The following YEATS2 variants were observed in gnomAD, a reference collection of about 807,000 sequenced individuals.
The protein encoded by YEATS2 is YEATS domain containing 2, also known as YEATS domain-containing protein 2.
Under a neutral mutation model 163.2 loss-of-function variants are expected in YEATS2, and 77 were observed. The ratio of observed to expected loss-of-function variants is 0.47; its 90% CI spans 0.39 to 0.57. YEATS2 has a LOEUF of 0.57. Among genes scored for constraint, YEATS2 ranks in the 20% least tolerant of loss-of-function variants. YEATS2 has a pLI of 0.00. For missense variants in YEATS2, 1,549 were observed against 1,729.8 expected, an observed-to-expected ratio of 0.90 and a Z score of 1.85; for synonymous variants, 631 against 645.1, an observed-to-expected ratio of 0.98 and a Z score of 0.33.
chr3:183,761,085 G>GT (rs999715984), intron 13 of YEATS2, among the ~76,000 whole-genome samples: 4 of 151,824 alleles, frequency 2.6e-5, no homozygotes, highest in African/African-American at 4.8e-5. Context: ...GGAATTTTAG[G>GT]TTTTTTTCTT....
In YEATS2 at chr3:183,755,120, A is replaced by AT. The variant is rs1160840439; in HGVS notation, c.1390+767dup. On this transcript the variant is annotated intron_variant, in intron 11 of 30. Coordinates refer to ENST00000305135, the MANE Select transcript of YEATS2 (RefSeq NM_018023.5). ...ATAAATAGCTTCTAATTGGTAGGCA[A>AT]TTTTTTTTTTTTGAGATGGAGTTTC... 9.3e-3 allele frequency among the ~76,000 whole-genome samples: 1,394 copies of AT among 149,394 alleles called. 16 individuals carry two copies. Among genetic ancestry groups the AT allele is most frequent in the African/African-American group, 0.032 (1,298 of 40,846 alleles).
intron 1 of YEATS2, among the ~76,000 whole-genome samples, chr3:183,699,652 G>A (rs78942571): frequency 0.017 from 2,577 of 150,702 alleles, 78 homozygotes; most frequent in East Asian, 0.14. Flanking sequence ...TGAAAAGGGC[G>A]CAGACACTCA....
Position 183,763,671 on chromosome 3 carries a change from C to T in YEATS2, c.1947+1392C>T, listed in dbSNP as rs181762224. Among the ~76,000 whole-genome samples, 297 of 152,242 alleles carry T rather than the reference C, an allele frequency of 2.0e-3. 2 individuals are homozygous for T. Among genetic ancestry groups the T allele is most frequent in the African/African-American group, 6.5e-3 (269 of 41,554 alleles). ...CCTGCTAACTCCAAGCTCCCCATTT[C>T]AGAACTAATGAAAAGTGGTTGTCTC... On this transcript the variant is annotated intron_variant, in intron 15 of 30. Coordinates refer to ENST00000305135, the MANE Select transcript of YEATS2 (RefSeq NM_018023.5).
rs869091775 is a variant in YEATS2 at position 183,730,052 on chromosome 3, GTTTTTT to G, written c.812+1231_812+1236del. 7.6e-3 allele frequency among the ~76,000 whole-genome samples: 319 copies of G among 41,704 alleles called. 14 individuals are homozygous for G. Among genetic ancestry groups the G allele is most frequent in the African/African-American group, 0.017 (207 of 12,140 alleles). The allele number at this position is 41,704 out of a possible 152,430, so 27.4% of individuals were successfully genotyped here. A position where few individuals can be genotyped will look rare whatever the true frequency, so the allele number is the denominator to read the frequency against. On this transcript the variant is annotated intron_variant, in intron 7 of 30. Transcript: ENST00000305135. The stretch of plus-strand genomic sequence containing the variant: ...ATATTAATTGTGTGGTTTTTTGTTT[GTTTTTT>G]TTTTTTTTTTTTTTTTTTTTTTTTT...
chr3:183,700,717 A>G lies in YEATS2; in HGVS notation c.-20+2724A>G, dbSNP rs545632149. ...ACCCGGGAGGTGGAGGTTGCAGTGA[A>G]CGGAGATCGCGCCACTGCACTCCAG... On this transcript the variant is annotated intron_variant, in intron 1 of 30. Transcript: ENST00000305135. Among the ~76,000 whole-genome samples, 422 of 137,008 alleles carry G rather than the reference A, an allele frequency of 3.1e-3. 1 individual carries two copies. Among genetic ancestry groups the G allele is most frequent in the African/African-American group, 0.011 (399 of 36,306 alleles). 89.9% of individuals were successfully genotyped at this position (137,008 alleles called of 152,430 possible).
At chr3:183,761,714 G>T in intron 14 of YEATS2, 100 bp downstream of exon 14, 1 of 1,095,448 alleles carries the variant, frequency 9.1e-7, no homozygotes. Flanking sequence ...TTTTTAGTGG[G>T]TCTCAACTCC....
chr3:183,797,698 A>G (rs1725289776), intron 21 of YEATS2, among the ~76,000 whole-genome samples: 1 of 152,242 alleles, frequency 6.6e-6, no homozygotes, highest in South Asian at 2.1e-4. Context: ...CCTGGGCGAC[A>G]GAGCGAGACT....
intron 1 of YEATS2, among the ~76,000 whole-genome samples, chr3:183,703,551 G>A (rs757286258): frequency 1.4e-4 from 22 of 152,148 alleles, no homozygotes; most frequent in Admixed American, 6.6e-4. Flanking sequence ...TTGGAAAGAC[G>A]ATCAGGTGTA....
intron 19 of YEATS2, among the ~76,000 whole-genome samples, chr3:183,783,307 G>T (rs1365596658): frequency 6.6e-6 from 1 of 152,196 alleles, no homozygotes; most frequent in Non-Finnish European, 1.5e-5. Context: ...GTCTGCTTGT[G>T]GAGTGCATTA....
chr3:183,732,776 G>A (rs1217641973), intron 7 of YEATS2, among the ~76,000 whole-genome samples: 1 of 151,392 alleles, frequency 6.6e-6, no homozygotes, highest in Non-Finnish European at 1.5e-5. Flanking sequence ...AGCCACGATG[G>A]TCTCGATCTC....
chr3:183,753,088 A>G (rs1282690940), intron 10 of YEATS2, among the ~76,000 whole-genome samples: 2 of 152,044 alleles, frequency 1.3e-5, no homozygotes. Flanking sequence ...ATGACCCACC[A>G]CGCCTGGCCT....
intron 25 of YEATS2, 59 bp from the exon 26 acceptor site, chr3:183,803,197 G>T: frequency 1.3e-6 from 2 of 1,567,078 alleles, no homozygotes; most frequent in South Asian, 2.3e-5. Context: ...TCCAGCAAAT[G>T]ACGTGTGGTT....
intron 21 of YEATS2, among the ~76,000 whole-genome samples, chr3:183,794,749 A>C (rs939129306): frequency 1.5e-4 from 23 of 152,176 alleles, no homozygotes; most frequent in African/African-American, 5.6e-4. Flanking sequence ...ATTGTAAGGG[A>C]ACATCTGTAT....
At chr3:183,708,785 G>T (rs557511610) in intron 1 of YEATS2, among the ~76,000 whole-genome samples, 3 of 152,156 alleles carry the variant, frequency 2.0e-5, no homozygotes, top group East Asian at 3.9e-4. Context: ...GATCACTTGA[G>T]CCCAGGATTC....
chr3:183,715,751 T>C (rs931388256), intron 2 of YEATS2, among the ~76,000 whole-genome samples: 1 of 152,196 alleles, frequency 6.6e-6, no homozygotes, highest in African/African-American at 2.4e-5. Context: ...GGTAGCTATC[T>C]TGAAGGCATA....
At chr3:183,727,426 C>T (rs1409701087) in intron 6 of YEATS2, among the ~76,000 whole-genome samples, 2 of 152,030 alleles carry the variant, frequency 1.3e-5, no homozygotes, top group Non-Finnish European at 1.5e-5. Context: ...TTTTCTGGGC[C>T]GACCTGTCTT....
chr3:183,718,858 C>T (rs543479037), intron 4 of YEATS2, among the ~76,000 whole-genome samples: 17 of 152,210 alleles, frequency 1.1e-4, no homozygotes, highest in African/African-American at 3.6e-4. Context: ...CCATGCCCAG[C>T]TCATTTTTGT....
intron 4 of YEATS2, among the ~76,000 whole-genome samples, chr3:183,719,070 T>C (rs2109045420): frequency 6.6e-6 from 1 of 152,218 alleles, no homozygotes; most frequent in Non-Finnish European, 1.5e-5. Flanking sequence ...AGACTATACA[T>C]AGACTTATCA....
At chr3:183,715,333 G>T in intron 2 of YEATS2, 71 bp downstream of exon 2, 1 of 1,108,362 alleles carries the variant, frequency 9.0e-7, no homozygotes, top group Non-Finnish European at 1.3e-6. Flanking sequence ...ACAGGAACTA[G>T]AATGAAATGA....
Sources: allele counts gnomAD v4.1 joint callset (sites outside exome capture counted in the v4.1 genomes callset), GRCh38; gene constraint gnomAD v4.1.1; transcripts MANE v1.5; gene names NCBI Gene and HGNC (gene_info 2026-07-23, HGNC 2026-07-21).